Variants in LRRC37A3 observed in about 807,000 individuals in gnomAD.
The protein encoded by LRRC37A3 is leucine-rich repeat-containing protein 37A3.
A neutral mutation model predicts 106.2 loss-of-function variants in LRRC37A3; 25 were observed. That is an observed-to-expected ratio of 0.24 (90% CI 0.17 to 0.33). The LOEUF is 0.33. Among genes scored for constraint, LRRC37A3 ranks in the 10% least tolerant of loss-of-function variants. The pLI is 1.00. For missense variants in LRRC37A3, 712 were observed against 1,644.9 expected (o/e 0.43, Z 9.81); for synonymous variants, 305 against 635.8 (o/e 0.48, Z 7.83).
chr17:64,866,191 C>T (rs1973064881), intron 10 of LRRC37A3, among the ~76,000 whole-genome samples: 1 of 151,676 alleles, frequency 6.6e-6, no homozygotes, highest in Admixed American at 6.6e-5. Context: ...CAGACAGATC[C>T]TCACTATCTT....
At chr17:64,866,815 A>G (rs1415047662) in intron 10 of LRRC37A3, among the ~76,000 whole-genome samples, 1 of 141,830 alleles carries the variant, frequency 7.1e-6, no homozygotes, top group Non-Finnish European at 1.5e-5. Flanking sequence ...ATATATATAT[A>G]TATATATATC....
In LRRC37A3 at chr17:64,898,435, CGAGATCACAACATTGCACTTCAGCCTG is replaced by C. The variant is rs1328373644; in HGVS notation, c.-495-3_-472del. ...CTGGGAGGCAGAGGTTGCAGTGAGC[CGAGATCACAACATTGCACTTCAGCCTG>C]GGCAACAAGAGAGAAACTCCATCTC... On this transcript the variant is annotated splice_acceptor_variant and splice_polypyrimidine_tract_variant and 5_prime_UTR_variant and intron_variant, in exon 3 of 15. Coordinates refer to ENST00000584306, the MANE Select transcript of LRRC37A3 (RefSeq NM_199340.5). LOFTEE classifies it low-confidence loss of function (5UTR_SPLICE). 7 of 283,772 alleles carry C rather than the reference CGAGATCACAACATTGCACTTCAGCCTG, an allele frequency of 2.5e-5. No individual in the cohort carries two copies. The highest frequency in any genetic ancestry group is 1.9e-4 in the African/African-American group (7 of 37,816). The allele number at this position is 283,772 out of a possible 1,614,324, so 17.6% of individuals were successfully genotyped here. A position where few individuals can be genotyped will look rare whatever the true frequency, so the allele number is the denominator to read the frequency against.
chr17:64,910,737 C>G (rs1425967375), intron 2 of LRRC37A3, among the ~76,000 whole-genome samples: 2 of 146,302 alleles, frequency 1.4e-5, no homozygotes, highest in African/African-American at 5.1e-5. Flanking sequence ...CTCCACCTCC[C>G]AGGTTCAAGC....
intron 8 of LRRC37A3, among the ~76,000 whole-genome samples, chr17:64,881,540 C>A (rs1438598710): frequency 7.8e-6 from 1 of 128,452 alleles, no homozygotes; most frequent in African/African-American, 3.2e-5. Flanking sequence ...AGACACCATG[C>A]CCAGCTGTGA....
At chr17:64,874,364 C>T (rs1457791650) in intron 8 of LRRC37A3, among the ~76,000 whole-genome samples, 10 of 149,200 alleles carry the variant, frequency 6.7e-5, no homozygotes, top group African/African-American at 1.5e-4. Context: ...GGAGCCCCTA[C>T]GCCCGGCAGC....
At chr17:64,909,286 A>C (rs1338527535) in intron 2 of LRRC37A3, among the ~76,000 whole-genome samples, 23 of 152,330 alleles carry the variant, frequency 1.5e-4, no homozygotes, top group East Asian at 5.8e-4. Flanking sequence ...AAAACAAAAA[A>C]CAACCTTGCT....
chr17:64,919,395 AG>A, intron 1 of LRRC37A3, 35 bp downstream of exon 1: 1 of 414,106 alleles, frequency 2.4e-6, no homozygotes, highest in Non-Finnish European at 4.3e-6. Context: ...AAGCGGTTGG[AG>A]GGAGAAGGCT....
intron 3 of LRRC37A3, 43 bp from the exon 4 acceptor site, chr17:64,897,697 CAA>C (rs1974177205): frequency 1.4e-6 from 1 of 740,156 alleles, no homozygotes. Flanking sequence ...TCATTTATTC[CAA>C]AGTGTTGCCA....
intron 2 of LRRC37A3, among the ~76,000 whole-genome samples, chr17:64,917,336 G>C (rs1974729304): frequency 6.7e-6 from 1 of 148,646 alleles, no homozygotes; most frequent in African/African-American, 2.5e-5. Flanking sequence ...TTGCAGGTAA[G>C]AATGCAAAAT....
intron 1 of LRRC37A3, 133 bp from the exon 2 acceptor site, chr17:64,919,003 TG>T (rs1974767588): frequency 8.2e-7 from 1 of 1,220,148 alleles, no homozygotes; most frequent in African/African-American, 1.6e-5. Flanking sequence ...GCCGGGGCGC[TG>T]GTGCTGGGGT....
chr17:64,917,632 G>A (rs1023548778), intron 2 of LRRC37A3, among the ~76,000 whole-genome samples: 1 of 151,894 alleles, frequency 6.6e-6, no homozygotes, highest in African/African-American at 2.4e-5. Flanking sequence ...AATACATTAT[G>A]CACTGTACAC....
intron 10 of LRRC37A3, among the ~76,000 whole-genome samples, chr17:64,866,330 C>G (rs1973068963): frequency 6.6e-6 from 1 of 151,636 alleles, no homozygotes; most frequent in South Asian, 2.1e-4. Context: ...GATCTGACAA[C>G]CTGGTGAAGA....
chr17:64,857,542 G>A (rs1309563261), intron 13 of LRRC37A3, among the ~76,000 whole-genome samples: 1 of 152,046 alleles, frequency 6.6e-6, no homozygotes, highest in Non-Finnish European at 1.5e-5. Context: ...CCAGGCTAGA[G>A]TGCAGTGGTA....
rs1972831935 is a variant in LRRC37A3, at chr17:64,860,500, G to A, written c.3646C>T (p.Gln1216Ter). ...LGSPAPRELK[Q>*]PHTQQGPEKL... The stretch of plus-strand genomic sequence containing the variant: ...TCAGGCCCCTGCTGTGTGTGAGGCT[G>A]TTTCAGCTCCCTTGGGGCTGGACTT... The change falls in exon 12 of 15, where the codon CAG becomes TAG. Residue 1216 changes from glutamine to a stop codon, truncating the protein, a stop_gained. Transcript: ENST00000584306. LOFTEE classifies it high-confidence loss of function. 1 of 1,613,124 alleles carries A rather than the reference G, an allele frequency of 6.2e-7. No homozygotes were observed. Among genetic ancestry groups the A allele is most frequent in the African/African-American group, 1.3e-5 (1 of 74,878 alleles).
In LRRC37A3 at chr17:64,860,589, C is replaced by T. The variant is rs1223399318; in HGVS notation, c.3557G>A (p.Ser1186Asn). ...KRHFKEVGRQ[S>N]IRREQGAQAS... ...CTGGGCACCCTGTTCCCTCCTGATG[C>T]TCTGCCTTCCTACCTCTTTGAAGTG... Residue 1186 changes from serine (S) to asparagine (N), a missense_variant, in exon 12 of 15, where the codon AGC (serine) becomes AAC (asparagine). Coordinates refer to ENST00000584306, the MANE Select transcript of LRRC37A3 (RefSeq NM_199340.5). 1.9e-6 allele frequency: 3 copies of T among 1,613,648 alleles called. No homozygotes were observed. The highest frequency in any genetic ancestry group is 1.3e-5 in the African/African-American group (1 of 74,920).
chr17:64,882,488 C>A (rs1973737193), intron 8 of LRRC37A3, among the ~76,000 whole-genome samples: 2 of 152,172 alleles, frequency 1.3e-5, no homozygotes, highest in African/African-American at 4.8e-5. Flanking sequence ...CCCTAAATCA[C>A]CCCAAAGGAC....
At chr17:64,912,355 A>C (rs1974608973) in intron 2 of LRRC37A3, among the ~76,000 whole-genome samples, 1 of 151,764 alleles carries the variant, frequency 6.6e-6, no homozygotes, top group African/African-American at 2.4e-5. Flanking sequence ...ACACATACAC[A>C]CACACATATA....
chr17:64,902,131 GTTTT>G (rs1974327350), intron 2 of LRRC37A3, among the ~76,000 whole-genome samples: 1 of 152,238 alleles, frequency 6.6e-6, no homozygotes, highest in South Asian at 2.1e-4. Flanking sequence ...ATAGTTCTGA[GTTTT>G]TACACTTGTC....
chr17:64,916,202 A>G (rs1974697189), intron 2 of LRRC37A3, among the ~76,000 whole-genome samples: 1 of 151,582 alleles, frequency 6.6e-6, no homozygotes, highest in South Asian at 2.1e-4. Flanking sequence ...TCAGGAGATC[A>G]AGACCATCCT....
Sources: allele counts gnomAD v4.1 joint callset (sites outside exome capture counted in the v4.1 genomes callset), GRCh38; gene constraint gnomAD v4.1.1; transcripts MANE v1.5; gene names NCBI Gene and HGNC (gene_info 2026-07-23, HGNC 2026-07-21).